The following ESCO1 variants were observed in gnomAD, a reference collection of about 807,000 sequenced individuals.
ESCO1 encodes establishment of sister chromatid cohesion N-acetyltransferase 1, also known as N-acetyltransferase ESCO1.
Under a neutral mutation model 83.5 loss-of-function variants are expected in ESCO1, and 33 were observed. That is an observed-to-expected ratio of 0.40 (90% CI 0.30 to 0.53). ESCO1 has a LOEUF of 0.53. Among genes scored for constraint, ESCO1 ranks in the 20% least tolerant of loss-of-function variants. The pLI is 0.63. For synonymous variants in ESCO1, 332 were observed against 324.3 expected, an observed-to-expected ratio of 1.02 and a Z score of -0.25; for missense variants, 855 against 968.0, an observed-to-expected ratio of 0.88 and a Z score of 1.55.
chr18:21,574,445 T>A lies in ESCO1; in HGVS notation c.399A>T (p.Arg133Ser). 1.2e-6 allele frequency: 2 copies of A among 1,614,168 alleles called. No individual in the cohort carries two copies. The highest frequency in any genetic ancestry group is 1.7e-6 in the Non-Finnish European group (2 of 1,180,018). Residue 133 changes from arginine to serine, a missense_variant, in exon 4 of 12, where the codon AGA becomes AGT. Arg to Ser is a moderately radical substitution (Grantham distance 110). Around this residue, in one of 2 missense-constraint regions of ESCO1, gnomAD observed 726 missense variants for 699.5 expected, o/e 1.04. Coordinates refer to ENST00000269214, the MANE Select transcript of ESCO1 (RefSeq NM_052911.3). ...GAATTTCTCTACTGCGTAACGACCT[T>A]CTTGAAACCTCTGTTAATTGTTGTA... ...QRLQQLTEVS[R>S]RSLRSREIQG...
intron 2 of ESCO1, among the ~76,000 whole-genome samples, chr18:21,580,905 T>C (rs1221766848): frequency 6.6e-6 from 1 of 152,116 alleles, no homozygotes; most frequent in Non-Finnish European, 1.5e-5. Context: ...CAGAAAAATC[T>C]CTTGAACCCA....
At chr18:21,551,936 G>A (rs1215820865) in intron 8 of ESCO1, among the ~76,000 whole-genome samples, 1 of 152,148 alleles carries the variant, frequency 6.6e-6, no homozygotes, top group Admixed American at 6.5e-5. Flanking sequence ...ATGGGTAAGG[G>A]AAAGGATACT....
At chr18:21,559,709 G>A (rs1028722892) in intron 8 of ESCO1, among the ~76,000 whole-genome samples, 1 of 152,070 alleles carries the variant, frequency 6.6e-6, no homozygotes, top group East Asian at 1.9e-4. Flanking sequence ...ACAATGCAAG[G>A]ATATTAACAT....
intron 2 of ESCO1, among the ~76,000 whole-genome samples, chr18:21,580,718 G>A (rs755368763): frequency 6.6e-5 from 10 of 152,176 alleles, no homozygotes; most frequent in African/African-American, 9.7e-5. Context: ...GGCCAGGCAC[G>A]GTGGCTCATA....
In ESCO1 at chr18:21,564,310, G is replaced by A; in HGVS notation, c.1714C>T (p.Pro572Ser). ...CACTTAGGCAAAGAATGATTTCGTGGTGTCTCCCTTAAAAAAAATAAAATT... is the reference window on the plus strand; with the variant it reads ...CACTTAGGCAAAGAATGATTTCGTGATGTCTCCCTTAAAAAAAATAAAATT... ...TSKSSDNRET[P>S]RNHSLPKCNS... is the part of the protein sequence containing the mutation. The change falls in exon 7 of 12, where the codon CCA becomes TCA. Residue 572 changes from proline (P) to serine (S), a missense_variant. Coordinates refer to ENST00000269214, the MANE Select transcript of ESCO1 (RefSeq NM_052911.3). The A allele has an allele frequency of 6.3e-7, 1 of 1,599,116 alleles. No homozygotes were observed. The highest frequency in any genetic ancestry group is 8.5e-7 in the Non-Finnish European group (1 of 1,171,448).
chr18:21,563,382 C>G (rs1051229218), intron 7 of ESCO1, among the ~76,000 whole-genome samples: 1 of 151,410 alleles, frequency 6.6e-6, no homozygotes, highest in Non-Finnish European at 1.5e-5. Flanking sequence ...GAGTCTCGCT[C>G]TGTTGCCCAG....
At chr18:21,561,034 A>C in intron 7 of ESCO1, 44 bp from the exon 8 acceptor site, 1 of 1,549,764 alleles carries the variant, frequency 6.5e-7, no homozygotes, top group Non-Finnish European at 8.7e-7. Flanking sequence ...TCCCAAAAGA[A>C]TTATTTCAGA....
At position 21,546,584 on chromosome 18, in the gene ESCO1, T is replaced by C. The variant is rs534188312; in HGVS notation, c.1954-6575A>G. On this transcript the variant is annotated intron_variant, in intron 8 of 11. Transcript: ENST00000269214. ...TGTTTTGAGACAGGGTCTCACTCTG[T>C]TGCCCTGGCTGGAGTGCCGTGGTGC... Among the ~76,000 whole-genome samples, 4 of 152,350 alleles carry C rather than the reference T, an allele frequency of 2.6e-5. No individual in the cohort carries two copies. In the East Asian group the frequency reaches 7.7e-4, roughly 29 times the overall value.
chr18:21,539,801 T>C (rs2037880220), intron 9 of ESCO1, 119 bp downstream of exon 9: 1 of 741,658 alleles, frequency 1.3e-6, no homozygotes, highest in African/African-American at 1.8e-5. Context: ...TGAGCCGAGA[T>C]CGTGCCACTG....
chr18:21,571,862 CATCTTTTAATTG>C (rs1334501846), intron 4 of ESCO1, among the ~76,000 whole-genome samples: 1 of 152,184 alleles, frequency 6.6e-6, no homozygotes, highest in Non-Finnish European at 1.5e-5. Flanking sequence ...TCTGAACAAT[CATCTTTTAATTG>C]ATGCTTGCAT....
chr18:21,568,450 T>A (rs1445844972), intron 4 of ESCO1, among the ~76,000 whole-genome samples: 1 of 152,142 alleles, frequency 6.6e-6, no homozygotes, highest in Non-Finnish European at 1.5e-5. Flanking sequence ...TCCACAGATA[T>A]ATTCAATAGT....
chr18:21,547,705 C>T (rs779542353), intron 8 of ESCO1, among the ~76,000 whole-genome samples: 1 of 151,910 alleles, frequency 6.6e-6, no homozygotes, highest in African/African-American at 2.4e-5. Context: ...CAGGAACCTA[C>T]AAGAAAAGGC....
At chr18:21,565,720 T>G (rs1203590802) in intron 6 of ESCO1, among the ~76,000 whole-genome samples, 1 of 152,158 alleles carries the variant, frequency 6.6e-6, no homozygotes, top group East Asian at 1.9e-4. Context: ...GAGAATCACT[T>G]GAGGCCAGGA....
Position 21,571,770 on chromosome 18 carries a change from T to A in ESCO1, c.1530+1544A>T, listed in dbSNP as rs551002413. On this transcript the variant is annotated intron_variant, in intron 4 of 11. Transcript: ENST00000269214. ...CAATCCTGAATAAAAAGCCACTACA[T>A]CTCTGCACAAAGCCACAACTTATTA... 3.3e-5 allele frequency among the ~76,000 whole-genome samples: 5 copies of A among 152,304 alleles called. No homozygotes were observed. The South Asian group carries it at 8.3e-4, about 25-fold the overall frequency.
rs879682676 is a variant in ESCO1 at position 21,562,641 on chromosome 18, T to TA, written c.1821+1561dup. On this transcript the variant is annotated intron_variant, in intron 7 of 11. Transcript: ENST00000269214. ...TGGGTGACAGCATGAGACCCTATCT[T>TA]AAAAAAAAAAAAATCCTACTGATTA... Among the ~76,000 whole-genome samples, 139 of 144,644 alleles carry TA rather than the reference T, an allele frequency of 9.6e-4. 1 individual carries two copies. Among genetic ancestry groups the TA allele is most frequent in the East Asian group, 1.6e-3 (8 of 5,004 alleles). 94.9% of individuals were successfully genotyped at this position (144,644 alleles called of 152,430 possible).
At chr18:21,557,983 G>T (rs896653324) in intron 8 of ESCO1, among the ~76,000 whole-genome samples, 28 of 141,506 alleles carry the variant, frequency 2.0e-4, no homozygotes, top group East Asian at 1.4e-3. Context: ...GTTTTTTGGG[G>T]TTTTTTTTTT....
At chr18:21,591,015 G>A (rs2038660272) in intron 1 of ESCO1, among the ~76,000 whole-genome samples, 1 of 151,986 alleles carries the variant, frequency 6.6e-6, no homozygotes. Flanking sequence ...TCCAGTAGTG[G>A]CTAAATGGTG....
intron 4 of ESCO1, among the ~76,000 whole-genome samples, chr18:21,571,793 T>C (rs1468723522): frequency 6.6e-6 from 1 of 152,210 alleles, no homozygotes. Context: ...CCACAACTTA[T>C]TACTCATACT....
chr18:21,571,711 T>C (rs2038343773), intron 4 of ESCO1, among the ~76,000 whole-genome samples: 1 of 152,178 alleles, frequency 6.6e-6, no homozygotes, highest in African/African-American at 2.4e-5. Flanking sequence ...AGCAAGCAAT[T>C]AGAAGACACA....
Sources: allele counts gnomAD v4.1 joint callset (sites outside exome capture counted in the v4.1 genomes callset), GRCh38; gene constraint gnomAD v4.1.1; regional missense constraint gnomAD v4.1.1; transcripts MANE v1.5; gene names NCBI Gene and HGNC (gene_info 2026-07-23, HGNC 2026-07-21).